Variants in TINAG observed in about 807,000 individuals in gnomAD.
The protein encoded by TINAG is tubulointerstitial nephritis antigen.
A neutral mutation model predicts 72.7 loss-of-function variants in TINAG; 83 were observed. That is an observed-to-expected ratio of 1.14 (90% CI 0.96 to 1.37). The LOEUF (loss-of-function observed/expected upper bound fraction) is 1.37. Among genes scored for constraint, TINAG ranks in the 40% most tolerant of loss-of-function variants. TINAG has a pLI of 0.00. For missense variants in TINAG, 685 were observed against 576.6 expected (o/e 1.19, Z -1.93); for synonymous variants, 234 against 189.9 (o/e 1.23, Z -1.91).
At chr6:54,327,399 T>A (rs538725091) in intron 4 of TINAG, among the ~76,000 whole-genome samples, 1 of 152,214 alleles carries the variant, frequency 6.6e-6, no homozygotes, top group South Asian at 2.1e-4. Context: ...GACTGTGTTG[T>A]GAGGGATGGT....
At chr6:54,323,973 A>T (rs1178813968) in intron 3 of TINAG, among the ~76,000 whole-genome samples, 1 of 152,148 alleles carries the variant, frequency 6.6e-6, no homozygotes, top group African/African-American at 2.4e-5. Flanking sequence ...AAAAAAACAA[A>T]TAATTTTTAT....
chr6:54,342,082 TGA>T (rs1173594345), intron 4 of TINAG, among the ~76,000 whole-genome samples: 2 of 151,584 alleles, frequency 1.3e-5, no homozygotes, highest in Admixed American at 1.3e-4. Flanking sequence ...TGTGTGTGTG[TGA>T]GAACACATAT....
chr6:54,308,681 G>A lies in TINAG; in HGVS notation c.131G>A (p.Gly44Asp). The A allele has an allele frequency of 6.2e-7, 1 of 1,613,810 alleles. No individual in the cohort carries two copies. The highest frequency in any genetic ancestry group is 8.5e-7 in the Non-Finnish European group (1 of 1,179,848). Reference sequence around the variant, plus strand: ...ACTAGGAATCACACCGTTTTGCAAGGTACTCGATTCAAAAGAGCCATTTTC... The same window carrying A: ...ACTAGGAATCACACCGTTTTGCAAGATACTCGATTCAAAAGAGCCATTTTC... Reference protein sequence around the residue: ...YFTRNHTVLQGTRFKRAIFQG... With the variant: ...YFTRNHTVLQDTRFKRAIFQG... Residue 44 changes from glycine (G) to aspartate (D), a missense_variant, in exon 1 of 11, where the codon GGT becomes GAT. By Grantham distance (94) the Gly-to-Asp change is moderately conservative. Transcript: ENST00000259782.
chr6:54,357,125 T>C (rs1763072829), intron 9 of TINAG, among the ~76,000 whole-genome samples: 2 of 151,968 alleles, frequency 1.3e-5, no homozygotes, highest in African/African-American at 2.4e-5. Context: ...GGCATCCACA[T>C]TGCTAAATTC....
In TINAG at chr6:54,388,725, C is replaced by T. The variant is rs145440827; in HGVS notation, c.1297-1066C>T. ...ATTGATACTTTTGCTCCATCACACA[C>T]TTATTCGTTCAAGCTTTTAACCCAG... On this transcript the variant is annotated intron_variant, in intron 10 of 10. Transcript: ENST00000259782. 2.5e-3 allele frequency among the ~76,000 whole-genome samples: 386 copies of T among 152,096 alleles called. 2 individuals are homozygous for T. Among genetic ancestry groups the T allele is most frequent in the Non-Finnish European group, 4.2e-3 (287 of 67,978 alleles).
At chr6:54,312,871 T>C (rs1784289511) in intron 1 of TINAG, among the ~76,000 whole-genome samples, 1 of 152,100 alleles carries the variant, frequency 6.6e-6, no homozygotes, top group African/African-American at 2.4e-5. Flanking sequence ...TTTTCCATTT[T>C]CCCATATCCC....
At chr6:54,350,581 C>A (rs187446889) in intron 7 of TINAG, among the ~76,000 whole-genome samples, 54 of 150,164 alleles carry the variant, frequency 3.6e-4, no homozygotes, top group Non-Finnish European at 8.9e-5. Context: ...CCAGGTACAC[C>A]ATGCTCTGTT....
rs947051877 is a variant in TINAG, at chr6:54,351,385, G to T, written c.1114G>T (p.Gly372Ter). 3 of 1,609,976 alleles carry T rather than the reference G, an allele frequency of 1.9e-6. No homozygotes were observed. Among genetic ancestry groups the T allele is most frequent in the African/African-American group, 2.7e-5 (2 of 74,668 alleles). ...GATAATGAAAGAAATCATGCAAAAT[G>T]GACCAGTTCAAGGTAAGCTTGAATG... ...TEIMKEIMQNGPVQAIMQVRE... is the reference protein window; with the variant it reads ...TEIMKEIMQN Residue 372 changes from glycine to a stop codon, truncating the protein, a stop_gained, in exon 8 of 11, where the codon GGA becomes TGA. Coordinates refer to ENST00000259782, the MANE Select transcript of TINAG (RefSeq NM_014464.4). LOFTEE classifies it high-confidence loss of function.
chr6:54,314,962 C>T (rs1363886593), intron 1 of TINAG, among the ~76,000 whole-genome samples: 1 of 152,032 alleles, frequency 6.6e-6, no homozygotes, highest in East Asian at 1.9e-4. Flanking sequence ...TAAATGCTCC[C>T]ATACAGATAA....
upstream of TINAG, chr6:54,308,342 T>C (rs1784158009): frequency 1.6e-6 from 1 of 637,026 alleles, no homozygotes; most frequent in South Asian, 2.1e-5. Flanking sequence ...ATAACAATAG[T>C]TTATTTCTAA....
At chr6:54,335,554 G>C (rs1290741480) in intron 4 of TINAG, among the ~76,000 whole-genome samples, 4 of 152,158 alleles carry the variant, frequency 2.6e-5, no homozygotes, top group Non-Finnish European at 5.9e-5. Context: ...TGGTCAGGCA[G>C]AATAGAATCA....
At chr6:54,361,714 T>C (rs1345518245) in intron 9 of TINAG, among the ~76,000 whole-genome samples, 3 of 151,608 alleles carry the variant, frequency 2.0e-5, no homozygotes, top group Non-Finnish European at 3.0e-5. Flanking sequence ...TTGTTGGAGA[T>C]TGGCCAAAAG....
intron 9 of TINAG, among the ~76,000 whole-genome samples, chr6:54,362,432 G>A (rs1763268975): frequency 6.6e-6 from 1 of 151,542 alleles, no homozygotes; most frequent in Non-Finnish European, 1.5e-5. Flanking sequence ...TTATAACATG[G>A]TTCATTGAAT....
intron 1 of TINAG, among the ~76,000 whole-genome samples, chr6:54,320,065 C>T (rs1183697771): frequency 6.6e-6 from 1 of 151,890 alleles, no homozygotes; most frequent in East Asian, 1.9e-4. Flanking sequence ...TATTGATTTC[C>T]TGAATTTTTT....
chr6:54,337,856 T>C (rs1449884213), intron 4 of TINAG, among the ~76,000 whole-genome samples: 1 of 152,180 alleles, frequency 6.6e-6, no homozygotes, highest in South Asian at 2.1e-4. Flanking sequence ...GGGCCAGATG[T>C]TACGGTGGAG....
intron 4 of TINAG, among the ~76,000 whole-genome samples, chr6:54,329,023 G>A (rs899796176): frequency 2.6e-5 from 4 of 152,186 alleles, no homozygotes; most frequent in East Asian, 3.9e-4. Context: ...GTGACAGGGC[G>A]AATAGAACCA....
At chr6:54,366,775 G>C (rs1763437015) in intron 9 of TINAG, among the ~76,000 whole-genome samples, 1 of 151,606 alleles carries the variant, frequency 6.6e-6, no homozygotes, top group African/African-American at 2.4e-5. Context: ...CACCTACTGT[G>C]GAATGTAGTC....
chr6:54,348,215 T>C (rs530040221), intron 6 of TINAG, among the ~76,000 whole-genome samples: 2 of 152,200 alleles, frequency 1.3e-5, no homozygotes, highest in Admixed American at 1.3e-4. Flanking sequence ...CTGTAGAAAA[T>C]AGTGTATGTC....
intron 4 of TINAG, chr6:54,327,138 T>C (rs1384013975): frequency 6.5e-7 from 1 of 1,548,252 alleles, no homozygotes; most frequent in Non-Finnish European, 8.7e-7. Context: ...TAGTCTCCTT[T>C]AGGAATGATT....
Sources: allele counts gnomAD v4.1 joint callset (sites outside exome capture counted in the v4.1 genomes callset), GRCh38; gene constraint gnomAD v4.1.1; transcripts MANE v1.5; gene names NCBI Gene and HGNC (gene_info 2026-07-23, HGNC 2026-07-21).